Variants in MSH3 observed in about 807,000 individuals in gnomAD.
The protein encoded by MSH3 is DNA mismatch repair protein Msh3.
A neutral mutation model predicts 123.3 loss-of-function variants in MSH3; 106 were observed. That is an observed-to-expected ratio of 0.86 (90% CI 0.73 to 1.01). MSH3 has a LOEUF of 1.01. Among genes scored for constraint, MSH3 ranks in the 50% least tolerant of loss-of-function variants. MSH3 has a pLI of 0.00. For synonymous variants in MSH3, 515 were observed against 481.4 expected, an observed-to-expected ratio of 1.07 and a Z score of -0.91; for missense variants, 1,459 against 1,347.6, an observed-to-expected ratio of 1.08 and a Z score of -1.29.
At position 80,658,037 on chromosome 5, in the gene MSH3, C is replaced by CTTTTTTTTTTTTTTTTTTTT. The variant is rs397942439; in HGVS notation, c.358+1519_358+1520insTTTTTTTTTTTTTTTTTTTT. 2.8e-4 allele frequency among the ~76,000 whole-genome samples: 33 copies of CTTTTTTTTTTTTTTTTTTTT among 116,620 alleles called. 5 individuals are homozygous for CTTTTTTTTTTTTTTTTTTTT. Among genetic ancestry groups the CTTTTTTTTTTTTTTTTTTTT allele is most frequent in the African/African-American group, 1.0e-3 (30 of 29,074 alleles). The allele number at this position is 116,620 out of a possible 152,430, so 76.5% of individuals were successfully genotyped here. A position where few individuals can be genotyped will look rare whatever the true frequency, so the allele number is the denominator to read the frequency against. On this transcript the variant is annotated intron_variant, in intron 2 of 23. Transcript: ENST00000265081. Reference sequence around the variant, plus strand: ...TTTTCCTAAGAATGCTTTTTGCCCTCTTTTTTTTTTTTTGAGATAGGGTCT... The same window carrying CTTTTTTTTTTTTTTTTTTTT: ...TTTTCCTAAGAATGCTTTTTGCCCTCTTTTTTTTTTTTTTTTTTTTTTTTTTTTTTTTTGAGATAGGGTCT...
At chr5:80,815,932 T>C (rs1191901484) in intron 20 of MSH3, among the ~76,000 whole-genome samples, 1 of 152,226 alleles carries the variant, frequency 6.6e-6, no homozygotes, top group African/African-American at 2.4e-5. Context: ...ATGATATATT[T>C]ACAATATTAG....
chr5:80,796,927 T>C (rs188217381), intron 19 of MSH3, among the ~76,000 whole-genome samples: 1 of 152,226 alleles, frequency 6.6e-6, no homozygotes, highest in African/African-American at 2.4e-5. Context: ...CACTCTCCCT[T>C]TTGAATTCAT....
At position 80,796,615 on chromosome 5, in the gene MSH3, T is replaced by C. The variant is rs1297095556; in HGVS notation, c.2655+3771T>C. ...TCAAAGTTAAATGACATTGTTGTTT[T>C]TGATAATCATGTGGTTTTAAGAACT... On this transcript the variant is annotated intron_variant, in intron 19 of 23. Transcript: ENST00000265081. 3.9e-5 allele frequency among the ~76,000 whole-genome samples: 6 copies of C among 152,216 alleles called. No individual in the cohort carries two copies. The East Asian group carries it at 9.6e-4, about 24-fold the overall frequency.
At position 80,829,893 on chromosome 5, in the gene MSH3, T is replaced by C. The variant is rs182698925; in HGVS notation, c.2813+16152T>C. Among the ~76,000 whole-genome samples the C allele has an allele frequency of 1.1e-4, 17 of 152,328 alleles. No homozygotes were observed. In the East Asian group the frequency reaches 2.5e-3, roughly 22 times the overall value. The stretch of plus-strand genomic sequence containing the variant: ...TTCTATTTTAGAAGGTTAATACTTA[T>C]TGATTCAATTTCTTTAATAGATACA... On this transcript the variant is annotated intron_variant, in intron 20 of 23. Transcript: ENST00000265081.
intron 8 of MSH3, among the ~76,000 whole-genome samples, chr5:80,679,558 G>T (rs907286778): frequency 6.6e-6 from 1 of 152,222 alleles, no homozygotes; most frequent in Non-Finnish European, 1.5e-5. Flanking sequence ...CAAAGTTTAT[G>T]TAACTTTGGA....
At chr5:80,746,279 A>G (rs1743718274) in intron 12 of MSH3, 2 of 253,446 alleles carry the variant, frequency 7.9e-6, no homozygotes, top group African/African-American at 2.3e-5. Context: ...AATTTTAAAC[A>G]GAGCAGGGCA....
chr5:80,808,139 T>A (rs1744931852), intron 19 of MSH3, among the ~76,000 whole-genome samples: 1 of 152,190 alleles, frequency 6.6e-6, no homozygotes, highest in Admixed American at 6.5e-5. Context: ...GTCTTCTAAT[T>A]ATTTGTTGCT....
intron 13 of MSH3, among the ~76,000 whole-genome samples, chr5:80,762,755 GTTTTAT>G (rs1390144541): frequency 1.9e-4 from 24 of 129,530 alleles, no homozygotes; most frequent in Admixed American, 2.2e-4. Context: ...GTTTTATTTT[GTTTTAT>G]TTTATTTTAT....
chr5:80,843,316 T>C (rs1580084680), intron 20 of MSH3, among the ~76,000 whole-genome samples: 3 of 152,256 alleles, frequency 2.0e-5, no homozygotes, highest in Admixed American at 6.5e-5. Flanking sequence ...CAGTATTTTA[T>C]TGAGGATTTT....
At position 80,854,295 on chromosome 5, in the gene MSH3, A is replaced by G. The variant is rs1745880509; in HGVS notation, c.2979A>G (p.Thr993=). 1 of 1,613,858 alleles carries G rather than the reference A, an allele frequency of 6.2e-7. No homozygotes were observed. The highest frequency in any genetic ancestry group is 2.2e-5 in the East Asian group (1 of 44,848). The stretch of plus-strand genomic sequence containing the variant: ...ATGGAATTGCCATTGCCTATGCTAC[A>G]CTTGAGTATTTCATCAGAGATGTAA... The part of the protein sequence containing the change: ...THDGIAIAYA[T]LEYFIRDVKS... Residue 993 remains threonine, a synonymous_variant, in exon 21 of 24, where the codon ACA becomes ACG. Coordinates refer to ENST00000265081, the MANE Select transcript of MSH3 (RefSeq NM_002439.5).
At chr5:80,685,672 T>C (rs1056411261) in intron 8 of MSH3, among the ~76,000 whole-genome samples, 4 of 152,082 alleles carry the variant, frequency 2.6e-5, no homozygotes, top group Admixed American at 2.6e-4. Context: ...GCTCTGATTT[T>C]TATTTTTATT....
intron 22 of MSH3, among the ~76,000 whole-genome samples, chr5:80,871,773 C>T (rs2112127000): frequency 1.3e-5 from 2 of 152,138 alleles, no homozygotes; most frequent in Non-Finnish European, 2.9e-5. Flanking sequence ...TTGCCGTATT[C>T]TGTTTGTTAG....
intron 17 of MSH3, among the ~76,000 whole-genome samples, chr5:80,785,815 A>G (rs1744496209): frequency 2.0e-5 from 3 of 152,222 alleles, no homozygotes; most frequent in Admixed American, 2.0e-4. Flanking sequence ...GCAGCCATAA[A>G]AAATGATGAG....
chr5:80,866,868 T>C (rs1746109588), intron 22 of MSH3, among the ~76,000 whole-genome samples: 3 of 152,238 alleles, frequency 2.0e-5, no homozygotes, highest in Non-Finnish European at 4.4e-5. Context: ...CCTCATTTTT[T>C]CCATTTTGTT....
intron 2 of MSH3, among the ~76,000 whole-genome samples, chr5:80,662,912 C>T (rs1749472144): frequency 6.6e-6 from 1 of 151,870 alleles, no homozygotes; most frequent in Non-Finnish European, 1.5e-5. Flanking sequence ...ATGTTTGAAG[C>T]ACAAAGAGAA....
intron 11 of MSH3, 71 bp from the exon 12 acceptor site, chr5:80,744,435 G>GGGTATAT (rs1743676747): frequency 9.5e-7 from 1 of 1,051,350 alleles, no homozygotes; most frequent in East Asian, 2.5e-5. Context: ...TTTAGAATCG[G>GGGTATAT]GGTATATGAA....
chr5:80,666,047 A>C (rs1749561091), intron 3 of MSH3, among the ~76,000 whole-genome samples: 1 of 152,080 alleles, frequency 6.6e-6, no homozygotes, highest in African/African-American at 2.4e-5. Context: ...ATTTTTTAAA[A>C]GTTTACATTT....
chr5:80,682,833 T>TG (rs1242880905), intron 8 of MSH3, among the ~76,000 whole-genome samples: 8 of 152,110 alleles, frequency 5.3e-5, no homozygotes, highest in African/African-American at 1.9e-4. Flanking sequence ...TTTCTATTTT[T>TG]TTTGTACCCA....
At chr5:80,684,235 T>G (rs933227026) in intron 8 of MSH3, among the ~76,000 whole-genome samples, 1 of 152,202 alleles carries the variant, frequency 6.6e-6, no homozygotes, top group Non-Finnish European at 1.5e-5. Context: ...CACTGATATT[T>G]TGATAGGGAT....
Sources: allele counts gnomAD v4.1 joint callset (sites outside exome capture counted in the v4.1 genomes callset), GRCh38; gene constraint gnomAD v4.1.1; transcripts MANE v1.5; gene names NCBI Gene and HGNC (gene_info 2026-07-23, HGNC 2026-07-21).